RIMS2: variants seen among roughly 807,000 people sequenced by gnomAD.
The protein encoded by RIMS2 is regulating synaptic membrane exocytosis 2.
Under a neutral mutation model 174.4 loss-of-function variants are expected in RIMS2, and 59 were observed. That is an observed-to-expected ratio of 0.34 (90% CI 0.27 to 0.42). RIMS2 has a LOEUF of 0.42. Ranked by LOEUF, RIMS2 falls within the 10% of genes least tolerant of loss-of-function variation. The pLI is 1.00. For synonymous variants in RIMS2, 606 were observed against 572.5 expected (o/e 1.06, Z -0.84); for missense variants, 1,620 against 1,666.3 (o/e 0.97, Z 0.48).
chr8:104,228,379 A>G (rs185713429), intron 19 of RIMS2, among the ~76,000 whole-genome samples: 4 of 152,268 alleles, frequency 2.6e-5, no homozygotes, highest in South Asian at 2.1e-4. Flanking sequence ...GTATAAAGAG[A>G]CATATCTTAT....
At chr8:104,131,094 T>C (rs182844412) in intron 19 of RIMS2, among the ~76,000 whole-genome samples, 1 of 152,334 alleles carries the variant, frequency 6.6e-6, no homozygotes, top group African/African-American at 2.4e-5. Context: ...AAAATATTAC[T>C]ATAAACATAT....
At chr8:104,193,447 G>T (rs2099008191) in intron 19 of RIMS2, among the ~76,000 whole-genome samples, 1 of 152,060 alleles carries the variant, frequency 6.6e-6, no homozygotes. Flanking sequence ...CTCCTTATGA[G>T]CCTGGGTGAG....
chr8:103,527,767 C>T (rs550672946), intron 1 of RIMS2, among the ~76,000 whole-genome samples: 3 of 152,328 alleles, frequency 2.0e-5, no homozygotes, highest in South Asian at 4.1e-4. Context: ...ATATGTGCCA[C>T]ATTTTCTCAA....
At chr8:103,760,245 C>A (rs536430856) in intron 2 of RIMS2, among the ~76,000 whole-genome samples, 1 of 152,192 alleles carries the variant, frequency 6.6e-6, no homozygotes, top group Non-Finnish European at 1.5e-5. Context: ...TCAGACATTC[C>A]TGCTTCAGCC....
intron 1 of RIMS2, among the ~76,000 whole-genome samples, chr8:103,581,941 C>T (rs998998651): frequency 6.6e-6 from 1 of 152,212 alleles, no homozygotes; most frequent in African/African-American, 2.4e-5. Flanking sequence ...CATACTGAGA[C>T]ACCACTGGTG....
intron 1 of RIMS2, chr8:103,501,621 C>G (rs528936611): frequency 6.5e-6 from 1 of 153,276 alleles, no homozygotes. Context: ...GGCTAGGGGC[C>G]TAAGCTCTGT....
At chr8:104,143,810 T>A (rs2098605674) in intron 19 of RIMS2, among the ~76,000 whole-genome samples, 1 of 152,206 alleles carries the variant, frequency 6.6e-6, no homozygotes, top group Non-Finnish European at 1.5e-5. Flanking sequence ...CTCCACAGAA[T>A]CACCCCAGTC....
chr8:103,650,023 G>A (rs2111494), intron 1 of RIMS2, among the ~76,000 whole-genome samples: 18,879 of 152,084 alleles, frequency 0.12, 1,265 homozygotes, highest in Middle Eastern at 0.23. Flanking sequence ...AGTTTTTAGC[G>A]TTTTTGTGTT....
chr8:103,972,793 T>A, intron 15 of RIMS2, among the ~76,000 whole-genome samples: 1 of 152,204 alleles, frequency 6.6e-6, no homozygotes, highest in East Asian at 1.9e-4. Context: ...CCACCCTATA[T>A]AAAATTGCAA....
chr8:104,228,557 T>G (rs956951771), intron 19 of RIMS2, among the ~76,000 whole-genome samples: 5 of 152,218 alleles, frequency 3.3e-5, no homozygotes, highest in Admixed American at 3.3e-4. Context: ...ACAGTGATAT[T>G]CAGTGTCTAT....
chr8:103,919,276 T>C (rs915831282), intron 9 of RIMS2, among the ~76,000 whole-genome samples: 2 of 152,034 alleles, frequency 1.3e-5, no homozygotes, highest in African/African-American at 4.8e-5. Context: ...AGGTACAGGA[T>C]AGGTGGATGC....
At position 103,795,141 on chromosome 8, in the gene RIMS2, T is replaced by G. The variant is rs182959686; in HGVS notation, c.698+28604T>G. Reference sequence around the variant, plus strand: ...CTATACAGACACATGCACATGTGTGTTTATTGTGGCACTATTCACAATAGC... The same window carrying G: ...CTATACAGACACATGCACATGTGTGGTTATTGTGGCACTATTCACAATAGC... On this transcript the variant is annotated intron_variant, in intron 3 of 23. Coordinates refer to ENST00000504942, the Ensembl canonical transcript of RIMS2. Among the ~76,000 whole-genome samples the G allele has an allele frequency of 1.9e-3, 283 of 152,330 alleles. 1 individual carries two copies. The highest frequency in any genetic ancestry group is 6.7e-3 in the African/African-American group (278 of 41,572).
At chr8:104,000,886 A>G (rs960525876) in intron 17 of RIMS2, among the ~76,000 whole-genome samples, 35 of 151,606 alleles carry the variant, frequency 2.3e-4, no homozygotes, top group African/African-American at 8.2e-4. Flanking sequence ...CAAATATTTT[A>G]TCCATTTTAA....
chr8:103,922,854 T>TAA (rs56237027), intron 10 of RIMS2, among the ~76,000 whole-genome samples: 2 of 151,760 alleles, frequency 1.3e-5, no homozygotes, highest in Non-Finnish European at 2.9e-5. Context: ...TTGAAGTTAT[T>TAA]AAAAAAATCA....
At chr8:104,217,118 C>T (rs1327564899) in intron 19 of RIMS2, among the ~76,000 whole-genome samples, 1 of 152,052 alleles carries the variant, frequency 6.6e-6, no homozygotes, top group African/African-American at 2.4e-5. Context: ...CCCCTTTATT[C>T]CTGAGTTAAA....
chr8:104,114,835 C>T (rs1396471399), intron 19 of RIMS2, among the ~76,000 whole-genome samples: 1 of 151,884 alleles, frequency 6.6e-6, no homozygotes, highest in Non-Finnish European at 1.5e-5. Flanking sequence ...TTTTCATCTA[C>T]ATTAATGTAT....
chr8:104,167,039 T>A (rs2098802469), intron 19 of RIMS2, among the ~76,000 whole-genome samples: 1 of 152,190 alleles, frequency 6.6e-6, no homozygotes, highest in Admixed American at 6.5e-5. Flanking sequence ...GCACTTAGAT[T>A]TGTTCCATAT....
At chr8:103,638,003 G>A (rs189153653) in intron 1 of RIMS2, among the ~76,000 whole-genome samples, 310 of 152,154 alleles carry the variant, frequency 2.0e-3, no homozygotes, top group Non-Finnish European at 3.6e-3. Context: ...TTTTTCCCCT[G>A]ATTCAACTGG....
At chr8:103,543,790 AC>A in intron 1 of RIMS2, among the ~76,000 whole-genome samples, 1 of 152,210 alleles carries the variant, frequency 6.6e-6, no homozygotes, top group Admixed American at 6.5e-5. Flanking sequence ...ACAGTTACTC[AC>A]ATGTAGAAGA....
Sources: gnomAD v4.1 joint callset for allele counts (sites outside exome capture counted in the v4.1 genomes callset) on GRCh38, gnomAD v4.1.1 for gene constraint, MANE v1.5 for transcripts, NCBI Gene and HGNC (gene_info 2026-07-23, HGNC 2026-07-21) for gene names.